Variants in POLA1 observed in about 807,000 individuals in gnomAD.
POLA1 encodes the protein DNA polymerase alpha catalytic subunit.
In POLA1, 15 loss-of-function variants were observed where a neutral mutation model predicts 124.0. The ratio of observed to expected loss-of-function variants is 0.12; its 90% CI spans 0.08 to 0.19. The LOEUF is 0.19. Among genes scored for constraint, POLA1 ranks in the 10% least tolerant of loss-of-function variants. The pLI is 1.00. For missense variants in POLA1, 886 were observed against 1,103.4 expected, an observed-to-expected ratio of 0.80 and a Z score of 2.79; for synonymous variants, 408 against 389.4, an observed-to-expected ratio of 1.05 and a Z score of -0.56.
chrX:24,841,127 T>C (rs1460069480), intron 32 of POLA1, among the ~76,000 whole-genome samples: 1 of 112,127 alleles, frequency 8.9e-6, no homozygotes, highest in Admixed American at 9.5e-5. Flanking sequence ...TTGCATTTTG[T>C]CTCAGATGCT....
chrX:24,990,094 G>C (rs757803871), intron 36 of POLA1, among the ~76,000 whole-genome samples: 13 of 111,907 alleles, frequency 1.2e-4, no homozygotes, highest in East Asian at 5.6e-4. Flanking sequence ...ACAGAGATAC[G>C]TGTAAAATAC....
intron 34 of POLA1, among the ~76,000 whole-genome samples, chrX:24,874,808 G>C (rs1301151811): frequency 1.8e-5 from 2 of 111,428 alleles, no homozygotes; most frequent in Non-Finnish European, 3.8e-5. Context: ...AGACACTCTG[G>C]GGGTGGCGCT....
chrX:24,920,365 T>C (rs748757830), intron 35 of POLA1, among the ~76,000 whole-genome samples: 10 of 111,366 alleles, frequency 9.0e-5, no homozygotes, highest in Non-Finnish European at 1.9e-4. Context: ...ATGACCTTTT[T>C]TGTGGCCCTG....
At chrX:24,992,927 A>G (rs184689387) in intron 36 of POLA1, among the ~76,000 whole-genome samples, 2 of 112,760 alleles carry the variant, frequency 1.8e-5, no homozygotes, top group East Asian at 5.5e-4. Flanking sequence ...ATAGAAATCA[A>G]CTTTTAAATG....
At chrX:24,731,493 G>T (rs999607159) in intron 15 of POLA1, among the ~76,000 whole-genome samples, 21 of 112,243 alleles carry the variant, frequency 1.9e-4, no homozygotes, top group African/African-American at 6.5e-4. Context: ...TGAGATAATT[G>T]TATTGTGATT....
chrX:24,728,823 C>T (rs1274508321), intron 15 of POLA1, among the ~76,000 whole-genome samples: 7 of 111,830 alleles, frequency 6.3e-5, no homozygotes, highest in East Asian at 2.8e-4. Flanking sequence ...TGAGTAGTAA[C>T]GGTGACCATA....
rs2048137078 is a variant in POLA1 at position 24,958,806 on chromosome X, A to G, written c.4261+28257A>G. 4.5e-5 allele frequency among the ~76,000 whole-genome samples: 5 copies of G among 111,524 alleles called. No homozygotes were observed. The Admixed American group carries it at 4.8e-4, about 11-fold the overall frequency. ...TGAGGCAGGGGGCAGCGTACTGAAA[A>G]CATTGGTTTATCGAGTTTCCCCTCT... On this transcript the variant is annotated intron_variant, in intron 36 of 36. Coordinates refer to ENST00000379068, the MANE Select transcript of POLA1 (RefSeq NM_001330360.2).
chrX:24,809,016 T>C (rs887688569), intron 26 of POLA1, among the ~76,000 whole-genome samples: 9 of 111,372 alleles, frequency 8.1e-5, no homozygotes, highest in Non-Finnish European at 1.7e-4. Context: ...GTTTTGTCAT[T>C]CTAGGACACT....
chrX:24,737,808 A>G, intron 19 of POLA1, 67 bp downstream of exon 19: 2 of 496,852 alleles, frequency 4.0e-6, no homozygotes, highest in Non-Finnish European at 6.8e-6. Flanking sequence ...CAAGGAACAC[A>G]CTATACTTTT....
chrX:24,964,863 T>G (rs1008018244), intron 36 of POLA1, among the ~76,000 whole-genome samples: 2 of 112,381 alleles, frequency 1.8e-5, no homozygotes, highest in Non-Finnish European at 3.8e-5. Context: ...GGAGGCATTA[T>G]TGCTATTTCA....
At chrX:24,731,062 C>A (rs1311557464) in intron 15 of POLA1, among the ~76,000 whole-genome samples, 1 of 112,176 alleles carries the variant, frequency 8.9e-6, no homozygotes, top group African/African-American at 3.2e-5. Flanking sequence ...GTACTTATAT[C>A]TCTAAGGTAG....
chrX:24,812,611 C>T (rs1306219945), intron 28 of POLA1, 47 bp from the exon 29 acceptor site: 2 of 738,926 alleles, frequency 2.7e-6, no homozygotes, highest in Non-Finnish European at 4.1e-6. Context: ...CATCTTCTCC[C>T]TATTAGATGT....
intron 34 of POLA1, among the ~76,000 whole-genome samples, chrX:24,867,207 A>G (rs2046806477): frequency 9.0e-6 from 1 of 111,519 alleles, no homozygotes; most frequent in Admixed American, 9.5e-5. Flanking sequence ...CAGCCAATAA[A>G]TTGACTTTTT....
At chrX:24,974,670 GGA>G (rs2048345100) in intron 36 of POLA1, among the ~76,000 whole-genome samples, 1 of 109,101 alleles carries the variant, frequency 9.2e-6, no homozygotes, top group African/African-American at 3.4e-5. Flanking sequence ...GGGGGCAAGG[GGA>G]GAGAGAGCAT....
At position 24,715,207 on chromosome X, in the gene POLA1, A is replaced by G. The variant is rs1027420391; in HGVS notation, c.525+4A>G. On this transcript the variant is annotated splice_donor_region_variant and intron_variant, in intron 6 of 36. Coordinates refer to ENST00000379068, the MANE Select transcript of POLA1 (RefSeq NM_001330360.2). ...TCTACAGGATCTTAACACTGAGGTA[A>G]ATGAATCTCCAGGAGTTGTAAAATA... is the stretch of plus-strand genomic sequence containing the variant. 9.1e-7 allele frequency: 1 copy of G among 1,096,912 alleles called. No homozygotes were observed. The highest frequency in any genetic ancestry group is 1.3e-6 in the Non-Finnish European group (1 of 790,976). The allele number at this position is 1,096,912 out of a possible 1,213,427, so 90.4% of individuals were successfully genotyped here.
intron 34 of POLA1, among the ~76,000 whole-genome samples, chrX:24,865,561 C>T (rs971609539): frequency 1.8e-5 from 2 of 111,537 alleles, no homozygotes; most frequent in African/African-American, 6.5e-5. Flanking sequence ...TAATTTATGC[C>T]TCTGTCAAGG....
intron 28 of POLA1, 113 bp from the exon 29 acceptor site, chrX:24,812,545 A>G (rs982458259): frequency 5.5e-5 from 26 of 473,525 alleles, no homozygotes; most frequent in South Asian, 3.7e-4. Context: ...TAAAATTCCA[A>G]TGTTGTATGA....
At chrX:24,951,283 CTCTTGCTCAGTAACAGTTTGATCA>C (rs1157130546) in intron 36 of POLA1, among the ~76,000 whole-genome samples, 87 of 94,443 alleles carry the variant, frequency 9.2e-4, no homozygotes, top group Non-Finnish European at 1.4e-3. Context: ...TAGGCTTAAG[CTCTTGCTCAGTAACAGTTTGATCA>C]CTATACAGAT....
intron 34 of POLA1, among the ~76,000 whole-genome samples, chrX:24,879,014 G>C (rs2046970628): frequency 8.9e-6 from 1 of 111,781 alleles, no homozygotes; most frequent in Admixed American, 9.5e-5. Flanking sequence ...ACTAGTGATA[G>C]CATTGTAGAG....
Sources: gnomAD v4.1 joint callset for allele counts (sites outside exome capture counted in the v4.1 genomes callset) on GRCh38, gnomAD v4.1.1 for gene constraint, MANE v1.5 for transcripts, NCBI Gene and HGNC (gene_info 2026-07-23, HGNC 2026-07-21) for gene names.